COBL: variants seen among roughly 807,000 people sequenced by gnomAD.
COBL encodes cordon-bleu WH2 repeat protein.
In COBL, 51 loss-of-function variants were observed where a neutral mutation model predicts 98.8. The observed-to-expected ratio is 0.52, with a 90% CI of 0.41 to 0.65. The LOEUF is 0.65. COBL is among the 30% of genes least tolerant of loss of function. The pLI is 0.00. For synonymous variants in COBL, 634 were observed against 651.7 expected (o/e 0.97, Z 0.41); for missense variants, 1,617 against 1,617.5 (o/e 1.00, Z 0.01).
At chr7:51,296,107 A>T (rs1283875718) in intron 1 of COBL, among the ~76,000 whole-genome samples, 1 of 152,206 alleles carries the variant, frequency 6.6e-6, no homozygotes, top group Non-Finnish European at 1.5e-5. Flanking sequence ...AGCACTTTGC[A>T]CATATCTCTA....
intron 1 of COBL, among the ~76,000 whole-genome samples, chr7:51,228,740 C>A (rs555993591): frequency 1.3e-5 from 2 of 152,252 alleles, no homozygotes; most frequent in South Asian, 4.2e-4. Context: ...AGAGCCCAGT[C>A]CCACAGCTAT....
In COBL at chr7:51,266,553, G is replaced by T. The variant is rs1798221557; in HGVS notation, c.42-46609C>A. ...AGATCGCACCATTGCACTCCAGCCT[G>T]GGCAACAAGAGCGAGACTCCATCTC... On this transcript the variant is annotated intron_variant, in intron 1 of 12. Transcript: ENST00000265136. 2.0e-5 allele frequency among the ~76,000 whole-genome samples: 3 copies of T among 152,256 alleles called. No individual in the cohort carries two copies. The South Asian group carries it at 6.2e-4, about 32-fold the overall frequency.
At chr7:51,134,796 A>C (rs1451606382) in intron 6 of COBL, among the ~76,000 whole-genome samples, 3 of 152,196 alleles carry the variant, frequency 2.0e-5, no homozygotes, top group Non-Finnish European at 4.4e-5. Context: ...GCAGAAAATC[A>C]GAAGAAATAG....
intron 7 of COBL, among the ~76,000 whole-genome samples, chr7:51,054,599 C>T (rs1790551712): frequency 6.6e-6 from 1 of 152,196 alleles, no homozygotes; most frequent in South Asian, 2.1e-4. Context: ...GGGCCCCGTT[C>T]CTCTCTGCCG....
chr7:51,287,154 G>A (rs1800444113), intron 1 of COBL, among the ~76,000 whole-genome samples: 1 of 151,962 alleles, frequency 6.6e-6, no homozygotes, highest in African/African-American at 2.4e-5. Context: ...CTCACTACCT[G>A]GATAATAGGA....
chr7:51,121,937 T>C (rs1296640555), intron 6 of COBL, among the ~76,000 whole-genome samples: 1 of 152,152 alleles, frequency 6.6e-6, no homozygotes, highest in African/African-American at 2.4e-5. Context: ...TGACAAAGTA[T>C]GACGAAGTAC....
chr7:51,085,235 G>A lies in COBL; in HGVS notation c.1027C>T (p.Pro343Ser), dbSNP rs1353157716. 2.6e-5 allele frequency: 42 copies of A among 1,613,774 alleles called. No homozygotes were observed. Among genetic ancestry groups the A allele is most frequent in the Non-Finnish European group, 3.5e-5 (41 of 1,179,958 alleles). Residue 343 changes from proline (P) to serine (S), a missense_variant, in exon 7 of 13, where the codon CCA (proline) becomes TCA (serine). This residue lies in a region of COBL where 1,304 missense variants were observed against 1,282.0 expected (regional missense o/e 1.02). Transcript: ENST00000265136. ...GGGATCAGGGGACTCGGTGGTGGTG[G>A]CTGTGGTGGAGGGGGAGCTGGCGCT... is the stretch of plus-strand genomic sequence containing the variant. ...RRAPAPPPPQ[P>S]PPPSPLIPNR...
intron 1 of COBL, among the ~76,000 whole-genome samples, chr7:51,263,289 G>C (rs1347660876): frequency 6.6e-6 from 1 of 152,182 alleles, no homozygotes; most frequent in Non-Finnish European, 1.5e-5. Flanking sequence ...GGAGGCCTGG[G>C]GAGGGCCCAC....
rs867579174 is a variant in COBL, at chr7:51,236,416, C to T, written c.42-16472G>A. Among the ~76,000 whole-genome samples, 8 of 152,198 alleles carry T rather than the reference C, an allele frequency of 5.3e-5. 1 individual carries two copies. The highest frequency in any genetic ancestry group is 4.2e-4 in the South Asian group (2 of 4,818). On this transcript the variant is annotated intron_variant, in intron 1 of 12. Transcript: ENST00000265136. ...CAGGACAGGGCAGGGCTCTGGGTCA[C>T]GGGGAGGAGGCTTGGGGCTCAGCAG... is the stretch of plus-strand genomic sequence containing the variant.
intron 5 of COBL, among the ~76,000 whole-genome samples, chr7:51,140,080 G>C (rs532961206): frequency 6.6e-6 from 1 of 152,258 alleles, no homozygotes; most frequent in African/African-American, 2.4e-5. Context: ...ACAGATGTTG[G>C]CAGTCATGAT....
intron 1 of COBL, among the ~76,000 whole-genome samples, chr7:51,249,463 CAT>C (rs1563087378): frequency 1.3e-5 from 2 of 152,188 alleles, no homozygotes; most frequent in Non-Finnish European, 2.9e-5. Context: ...CAGAAATGGA[CAT>C]GTCTTCCTAA....
chr7:51,178,359 G>T (rs910484413), intron 5 of COBL, among the ~76,000 whole-genome samples: 6 of 152,108 alleles, frequency 3.9e-5, no homozygotes, highest in African/African-American at 1.2e-4. Flanking sequence ...GGTTATAAAA[G>T]ATTTATAGAA....
chr7:51,271,086 C>A (rs1042638238), intron 1 of COBL, among the ~76,000 whole-genome samples: 1 of 152,226 alleles, frequency 6.6e-6, no homozygotes, highest in African/African-American at 2.4e-5. Context: ...GGCCGCCAGG[C>A]CTGGTGTATC....
At chr7:51,127,206 G>T (rs1203873246) in intron 6 of COBL, among the ~76,000 whole-genome samples, 1 of 152,184 alleles carries the variant, frequency 6.6e-6, no homozygotes, top group African/African-American at 2.4e-5. Flanking sequence ...GACAACATGG[G>T]TGGCTGCTAC....
At chr7:51,265,039 G>T (rs949483852) in intron 1 of COBL, among the ~76,000 whole-genome samples, 2 of 152,142 alleles carry the variant, frequency 1.3e-5, no homozygotes, top group African/African-American at 4.8e-5. Context: ...CAATGTGAAG[G>T]CCTCCTGAAG....
chr7:51,247,055 C>A (rs1056967201), intron 1 of COBL, among the ~76,000 whole-genome samples: 1 of 152,214 alleles, frequency 6.6e-6, no homozygotes, highest in African/African-American at 2.4e-5. Context: ...ACAAAACCAG[C>A]GGATACCTGT....
At chr7:51,129,389 C>T (rs1798527870) in intron 6 of COBL, among the ~76,000 whole-genome samples, 1 of 151,894 alleles carries the variant, frequency 6.6e-6, no homozygotes, top group African/African-American at 2.4e-5. Context: ...ACCCTCATGA[C>T]CTCATCACTC....
At chr7:51,057,641 C>T (rs1014587749) in intron 7 of COBL, among the ~76,000 whole-genome samples, 1 of 152,178 alleles carries the variant, frequency 6.6e-6, no homozygotes. Context: ...ACAGACTACA[C>T]AGCCAGCAAA....
At position 51,150,976 on chromosome 7, in the gene COBL, C is replaced by T. The variant is rs187504185; in HGVS notation, c.784-14645G>A. 2.0e-3 allele frequency among the ~76,000 whole-genome samples: 300 copies of T among 152,142 alleles called. 3 individuals are homozygous for T. Among genetic ancestry groups the T allele is most frequent in the African/African-American group, 6.2e-3 (257 of 41,504 alleles). On this transcript the variant is annotated intron_variant, in intron 5 of 12. Transcript: ENST00000265136. ...AGGAGCAAGAGTCACCTGCCCCCCTCCCCGCCCCAAATCAGCACTGACAAC... is the reference window on the plus strand; with the variant it reads ...AGGAGCAAGAGTCACCTGCCCCCCTTCCCGCCCCAAATCAGCACTGACAAC...
Sources: allele counts gnomAD v4.1 joint callset (sites outside exome capture counted in the v4.1 genomes callset), GRCh38; gene constraint gnomAD v4.1.1; regional missense constraint gnomAD v4.1.1; transcripts MANE v1.5; gene names NCBI Gene and HGNC (gene_info 2026-07-23, HGNC 2026-07-21).